MEGF11: variants seen among roughly 807,000 people sequenced by gnomAD.
MEGF11 encodes multiple epidermal growth factor-like domains protein 11.
In MEGF11, 126 loss-of-function variants were observed where a neutral mutation model predicts 146.6. The ratio of observed to expected loss-of-function variants is 0.86; its 90% confidence interval spans 0.74 to 1.00. The LOEUF (loss-of-function observed/expected upper bound fraction) is 1.00. Ranked by LOEUF, MEGF11 falls within the 50% of genes least tolerant of loss-of-function variation. The pLI is 0.00. For synonymous variants in MEGF11, 532 were observed against 583.4 expected (o/e 0.91, Z 1.27); for missense variants, 1,509 against 1,521.2 (o/e 0.99, Z 0.13).
rs149620436 is a variant in MEGF11, at chr15:66,231,384, C to T, written c.-9+22221G>A. On this transcript the variant is annotated intron_variant, in intron 1 of 25. Coordinates refer to ENST00000395614, the MANE Select transcript of MEGF11 (RefSeq NM_001385028.1). Reference sequence around the variant, plus strand: ...GAGGGGACGGTTATAGGGTGTGATACGGCCTCTAGATAATGGCGGGGTCAG... The same window carrying T: ...GAGGGGACGGTTATAGGGTGTGATATGGCCTCTAGATAATGGCGGGGTCAG... Among the ~76,000 whole-genome samples, 1,386 of 151,664 alleles carry T rather than the reference C, an allele frequency of 9.1e-3. 12 individuals are homozygous for T. The highest frequency in any genetic ancestry group is 0.012 in the Non-Finnish European group (798 of 67,934).
intron 10 of MEGF11, among the ~76,000 whole-genome samples, chr15:65,944,129 G>A (rs764036577): frequency 2.6e-4 from 39 of 152,182 alleles, no homozygotes; most frequent in Admixed American, 9.8e-4. Flanking sequence ...GGACTGTGCC[G>A]GGCTTGGATA....
chr15:66,012,077 A>C (rs60047521), intron 5 of MEGF11, among the ~76,000 whole-genome samples: 2,760 of 151,834 alleles, frequency 0.018, 72 homozygotes, highest in African/African-American at 0.061. Flanking sequence ...AAAAAAAAAA[A>C]ATTAGCCAGG....
At chr15:65,950,734 CAG>C (rs1233162434) in intron 10 of MEGF11, among the ~76,000 whole-genome samples, 5 of 152,164 alleles carry the variant, frequency 3.3e-5, no homozygotes, top group African/African-American at 2.4e-5. Context: ...AATTTGGCAC[CAG>C]AGTCTCTGCA....
intron 8 of MEGF11, 34 bp downstream of exon 8, chr15:65,970,519 G>A: frequency 6.2e-7 from 1 of 1,602,154 alleles, no homozygotes; most frequent in Non-Finnish European, 8.5e-7. Context: ...TGAGTAAAAT[G>A]GACAGCAAAG....
chr15:66,056,042 T>C (rs773507344), intron 5 of MEGF11, among the ~76,000 whole-genome samples: 23 of 152,094 alleles, frequency 1.5e-4, no homozygotes, highest in Non-Finnish European at 3.1e-4. Context: ...AGCAGCACCA[T>C]ATGTGAGCGT....
intron 1 of MEGF11, among the ~76,000 whole-genome samples, chr15:66,162,824 A>G (rs1052206746): frequency 6.6e-6 from 1 of 152,210 alleles, no homozygotes; most frequent in African/African-American, 2.4e-5. Context: ...AAAAGTAAGA[A>G]AAAATTTTTT....
In MEGF11 at chr15:65,913,778, G is replaced by A. The variant is rs2078895528; in HGVS notation, c.2669C>T (p.Thr890Ile). ...GGTGCTGGTCATCCTCATGGCAGGT[G>A]TGTAGGAGACACGGGGAGCCAGGTC... ...GRDLAPRVSY[T>I]PAMRMTSTDY... The change falls in exon 20 of 26, where the codon ACA becomes ATA. Residue 890 changes from threonine to isoleucine, a missense_variant. Physicochemically the swap from Thr to Ile is moderately conservative, Grantham distance 89. Coordinates refer to ENST00000395614, the MANE Select transcript of MEGF11 (RefSeq NM_001385028.1). The A allele has an allele frequency of 6.2e-7, 1 of 1,613,676 alleles. No individual in the cohort carries two copies. Among genetic ancestry groups the A allele is most frequent in the Non-Finnish European group, 8.5e-7 (1 of 1,179,772 alleles).
At chr15:66,219,022 TAGATAG>T (rs1034419716) in intron 1 of MEGF11, among the ~76,000 whole-genome samples, 1 of 122,254 alleles carries the variant, frequency 8.2e-6, no homozygotes, top group African/African-American at 3.6e-5. Flanking sequence ...TATCTACATA[TAGATAG>T]AGATAGAGAC....
chr15:65,973,171 A>G (rs552110220), intron 7 of MEGF11, among the ~76,000 whole-genome samples: 1 of 152,174 alleles, frequency 6.6e-6, no homozygotes, highest in East Asian at 1.9e-4. Context: ...AATTCCAGGA[A>G]CTAGGGACTG....
intron 21 of MEGF11, among the ~76,000 whole-genome samples, chr15:65,910,359 G>A (rs1009251342): frequency 2.6e-5 from 4 of 152,182 alleles, no homozygotes; most frequent in South Asian, 2.1e-4. Context: ...TATGAGGCAA[G>A]GATGGTTATC....
intron 5 of MEGF11, among the ~76,000 whole-genome samples, chr15:66,038,566 A>G (rs2083815815): frequency 6.6e-6 from 1 of 152,202 alleles, no homozygotes; most frequent in Non-Finnish European, 1.5e-5. Context: ...AGCACATCCC[A>G]TAAAAACATG....
intron 7 of MEGF11, among the ~76,000 whole-genome samples, chr15:65,977,165 T>TAAAAAAAAAAAA (rs1567185883): frequency 1.2e-4 from 2 of 16,674 alleles, no homozygotes; most frequent in Non-Finnish European, 2.7e-4. Flanking sequence ...AGACTCCGTC[T>TAAAAAAAAAAAA]CAAAAAAAAA....
At chr15:66,206,089 A>T (rs2091292243) in intron 1 of MEGF11, among the ~76,000 whole-genome samples, 2 of 152,258 alleles carry the variant, frequency 1.3e-5, no homozygotes, top group South Asian at 4.1e-4. Context: ...AAATCTCAGC[A>T]AAGAAATGCA....
intron 24 of MEGF11, among the ~76,000 whole-genome samples, chr15:65,904,171 G>C (rs1462296231): frequency 6.6e-6 from 1 of 152,166 alleles, no homozygotes; most frequent in African/African-American, 2.4e-5. Flanking sequence ...CAGTTATTGG[G>C]GTTTCTGGTC....
intron 5 of MEGF11, among the ~76,000 whole-genome samples, chr15:66,075,839 A>G (rs919200855): frequency 2.0e-5 from 3 of 152,298 alleles, no homozygotes; most frequent in Middle Eastern, 3.4e-3. Flanking sequence ...TGTATCCATG[A>G]AATAAAGGGA....
chr15:66,076,562 A>G (rs1482190599), intron 5 of MEGF11, among the ~76,000 whole-genome samples: 2 of 152,156 alleles, frequency 1.3e-5, no homozygotes, highest in African/African-American at 4.8e-5. Context: ...GCACTATTGA[A>G]CAGTGACTGC....
chr15:66,133,484 C>CT (rs1253781037), intron 1 of MEGF11, among the ~76,000 whole-genome samples: 1 of 152,246 alleles, frequency 6.6e-6, no homozygotes. Context: ...CACTTCTCTA[C>CT]TTTTTTCTGA....
chr15:66,018,058 G>A (rs1447821603), intron 5 of MEGF11, among the ~76,000 whole-genome samples: 4 of 152,222 alleles, frequency 2.6e-5, no homozygotes, highest in African/African-American at 7.2e-5. Context: ...GGGAGGAAGG[G>A]CACTGGGGCA....
chr15:65,975,086 G>T (rs1422292580), intron 7 of MEGF11, among the ~76,000 whole-genome samples: 1 of 152,090 alleles, frequency 6.6e-6, no homozygotes, highest in Non-Finnish European at 1.5e-5. Context: ...ACCTCAGGTG[G>T]TCTGCCTGCC....
Sources: allele counts gnomAD v4.1 joint callset (sites outside exome capture counted in the v4.1 genomes callset), GRCh38; gene constraint gnomAD v4.1.1; transcripts MANE v1.5; gene names NCBI Gene and HGNC (gene_info 2026-07-23, HGNC 2026-07-21).